The following AFAP1L1 variants were observed in gnomAD, a reference collection of about 807,000 sequenced individuals.
AFAP1L1 encodes actin filament-associated protein 1-like 1.
A neutral mutation model predicts 99.8 loss-of-function variants in AFAP1L1; 77 were observed. That is an observed-to-expected ratio of 0.77 (90% CI 0.64 to 0.93). The LOEUF (loss-of-function observed/expected upper bound fraction) is 0.93. AFAP1L1 is among the 40% of genes least tolerant of loss of function. The pLI, the probability that AFAP1L1 is intolerant of heterozygous loss-of-function variation, is 0.00. For synonymous variants in AFAP1L1, 373 were observed against 395.3 expected (o/e 0.94, Z 0.67); for missense variants, 893 against 996.8 (o/e 0.90, Z 1.40).
At chr5:149,319,803 C>T (rs1358656026) in intron 13 of AFAP1L1, 76 bp downstream of exon 13, 2 of 1,561,802 alleles carry the variant, frequency 1.3e-6, no homozygotes, top group Non-Finnish European at 8.7e-7. Context: ...TGAGTCCAGC[C>T]CTGGGCACTG....
chr5:149,340,386 A>G lies in AFAP1L1; in HGVS notation c.*356A>G. Reference sequence around the variant, plus strand: ...GAATAACCCCTTCCATCCCATTCACAGCATCGCACTCCCAGTCCTTAAGGC... The same window carrying G: ...GAATAACCCCTTCCATCCCATTCACGGCATCGCACTCCCAGTCCTTAAGGC... On this transcript the variant is annotated 3_prime_UTR_variant, in exon 19 of 19. Coordinates refer to ENST00000296721, the MANE Select transcript of AFAP1L1 (RefSeq NM_152406.4). The G allele has an allele frequency of 4.6e-6, 1 of 215,914 alleles. No homozygotes were observed. Among genetic ancestry groups the G allele is most frequent in the Non-Finnish European group, 9.5e-6 (1 of 104,998 alleles). The allele number at this position is 215,914 out of a possible 1,614,324, so 13.4% of individuals were successfully genotyped here. A position where few individuals can be genotyped will look rare whatever the true frequency, so the allele number is the denominator to read the frequency against.
intron 3 of AFAP1L1, 41 bp downstream of exon 3, chr5:149,300,395 T>C: frequency 6.4e-7 from 1 of 1,563,498 alleles, no homozygotes; most frequent in Non-Finnish European, 8.8e-7. Flanking sequence ...GAGCCATCCC[T>C]CTTTCCCTGT....
chr5:149,274,607 AGT>A (rs1429694963), intron 1 of AFAP1L1, among the ~76,000 whole-genome samples: 1 of 152,230 alleles, frequency 6.6e-6, no homozygotes, highest in African/African-American at 2.4e-5. Context: ...GGCTGGGCAC[AGT>A]GGCTCACGCC....
At position 149,310,104 on chromosome 5, in the gene AFAP1L1, A is replaced by T. The variant is rs757954923; in HGVS notation, c.896A>T (p.Gln299Leu). 7 of 1,610,644 alleles carry T rather than the reference A, an allele frequency of 4.3e-6. No homozygotes were observed. In the African/African-American group the frequency reaches 9.4e-5, roughly 22 times the overall value. Residue 299 changes from glutamine (Q) to leucine (L), a missense_variant, in exon 8 of 19, where the codon CAG becomes CTG. By Grantham distance (113) the Gln-to-Leu change is moderately radical. Coordinates refer to ENST00000296721, the MANE Select transcript of AFAP1L1 (RefSeq NM_152406.4). ...GATEVLVLAL[Q>L]SREQAEEWLK... ...ACCGAGGTCTTGGTGCTGGCACTGC[A>T]GAGCCGAGAGCAGGCCGAGGAGTGG...
chr5:149,274,756 G>T lies in AFAP1L1; in HGVS notation c.16+2772G>T, dbSNP rs371827881. Among the ~76,000 whole-genome samples, 10 of 152,002 alleles carry T rather than the reference G, an allele frequency of 6.6e-5. No homozygotes were observed. In the East Asian group the frequency reaches 1.4e-3, roughly 21 times the overall value. ...GAGCTGGGTGTGGTGGCGGGCGCCTGTAATCCCAGCTACTCGAGAGGCTGC... is the reference window on the plus strand; with the variant it reads ...GAGCTGGGTGTGGTGGCGGGCGCCTTTAATCCCAGCTACTCGAGAGGCTGC... On this transcript the variant is annotated intron_variant, in intron 1 of 18. Coordinates refer to ENST00000296721, the MANE Select transcript of AFAP1L1 (RefSeq NM_152406.4).
chr5:149,280,240 C>A (rs1755473393), intron 1 of AFAP1L1, among the ~76,000 whole-genome samples: 1 of 152,096 alleles, frequency 6.6e-6, no homozygotes, highest in African/African-American at 2.4e-5. Flanking sequence ...AATCCCAAAT[C>A]CTGTTGACTA....
rs1015379657 is a variant in AFAP1L1 at position 149,343,052 on chromosome 5, C to T, written c.*3022C>T. Among the ~76,000 whole-genome samples the T allele has an allele frequency of 6.6e-6, 1 of 152,148 alleles. No homozygotes were observed. The highest frequency in any genetic ancestry group is 1.5e-5 in the Non-Finnish European group (1 of 68,036). ...CGGGATCTTGCATAGGTTTACCAAC[C>T]TTTCTGAGCCTCAATTTTCTCATAT... On this transcript the variant is annotated 3_prime_UTR_variant, in exon 19 of 19. Transcript: ENST00000296721.
intron 1 of AFAP1L1, among the ~76,000 whole-genome samples, chr5:149,288,039 G>A (rs746787055): frequency 2.0e-5 from 3 of 152,158 alleles, no homozygotes; most frequent in Non-Finnish European, 4.4e-5. Flanking sequence ...GTCAGCCCGG[G>A]GAGGTTGATG....
At chr5:149,316,559 C>T (rs1272419156) in intron 11 of AFAP1L1, among the ~76,000 whole-genome samples, 1 of 152,152 alleles carries the variant, frequency 6.6e-6, no homozygotes, top group Non-Finnish European at 1.5e-5. Flanking sequence ...GACCGTAGCC[C>T]AAATCACTGC....
chr5:149,275,912 C>A (rs901744819), intron 1 of AFAP1L1, among the ~76,000 whole-genome samples: 6 of 152,210 alleles, frequency 3.9e-5, no homozygotes, highest in Non-Finnish European at 7.3e-5. Flanking sequence ...CAAATACAGT[C>A]ACACTTGGGG....
intron 1 of AFAP1L1, among the ~76,000 whole-genome samples, chr5:149,275,461 C>T (rs3071578): frequency 1.6e-5 from 2 of 125,208 alleles, no homozygotes; most frequent in East Asian, 3.3e-4. Flanking sequence ...CTTCTTCTTC[C>T]TCTTCCTCTT....
intron 1 of AFAP1L1, among the ~76,000 whole-genome samples, chr5:149,287,692 C>T (rs1463562229): frequency 1.3e-5 from 2 of 151,786 alleles, no homozygotes; most frequent in Non-Finnish European, 2.9e-5. Context: ...AAGCGATTCT[C>T]CTGCCTCAGC....
At chr5:149,335,841 T>C in intron 18 of AFAP1L1, 119 bp downstream of exon 18, 1 of 1,379,394 alleles carries the variant, frequency 7.2e-7, no homozygotes, top group Non-Finnish European at 9.9e-7. Context: ...AATGCATTTA[T>C]ACAATGAAAC....
At chr5:149,290,833 G>C (rs56198681) in intron 1 of AFAP1L1, among the ~76,000 whole-genome samples, 4,218 of 152,112 alleles carry the variant, frequency 0.028, 92 homozygotes, top group Non-Finnish European at 0.038. Context: ...ACTCTTAAAA[G>C]AAAATAAAGT....
At chr5:149,316,388 G>A (rs916032398) in intron 11 of AFAP1L1, 85 bp downstream of exon 11, 25 of 1,501,024 alleles carry the variant, frequency 1.7e-5, no homozygotes, top group South Asian at 3.8e-5. Flanking sequence ...CTCATGCCTC[G>A]TCCACCTCAC....
At chr5:149,316,403 AG>A in intron 11 of AFAP1L1, 100 bp downstream of exon 11, 1 of 1,408,574 alleles carries the variant, frequency 7.1e-7, no homozygotes, top group South Asian at 1.3e-5. Context: ...CCTCACCCCC[AG>A]GGCAGGGGAG....
chr5:149,312,418 C>A, intron 9 of AFAP1L1: 1 of 615,776 alleles, frequency 1.6e-6, no homozygotes, highest in South Asian at 1.8e-5. Flanking sequence ...AAGTGCAGTA[C>A]AAGCCAGAGG....
intron 1 of AFAP1L1, among the ~76,000 whole-genome samples, chr5:149,280,335 C>G (rs146943309): frequency 1.1e-3 from 166 of 152,318 alleles, no homozygotes; most frequent in Non-Finnish European, 2.0e-3. Context: ...CCTCTCCAGC[C>G]TGCCTTAAGG....
intron 8 of AFAP1L1, 136 bp from the exon 9 acceptor site, chr5:149,311,976 T>C (rs1756643026): frequency 1.4e-6 from 1 of 727,964 alleles, no homozygotes; most frequent in Admixed American, 2.5e-5. Context: ...CATATGCAGG[T>C]AGCTGTGTCA....
Sources: gnomAD v4.1 joint callset for allele counts (sites outside exome capture counted in the v4.1 genomes callset) on GRCh38, gnomAD v4.1.1 for gene constraint, MANE v1.5 for transcripts, NCBI Gene and HGNC (gene_info 2026-07-23, HGNC 2026-07-21) for gene names.